Variants in BTC observed in about 807,000 individuals in gnomAD.
BTC encodes betacellulin.
Under a neutral mutation model 18.1 loss-of-function variants are expected in BTC, and 13 were observed. The observed-to-expected ratio is 0.72, with a 90% CI of 0.47 to 1.14. The LOEUF is 1.14. BTC is among the 50% of genes most tolerant of loss of function. BTC has a pLI of 0.00. For synonymous variants in BTC, 83 were observed against 79.4 expected (o/e 1.05, Z -0.24); for missense variants, 247 against 224.2 (o/e 1.10, Z -0.65).
At chr4:74,777,907 AG>A (rs1196740339) in intron 1 of BTC, among the ~76,000 whole-genome samples, 1 of 152,182 alleles carries the variant, frequency 6.6e-6, no homozygotes, top group African/African-American at 2.4e-5. Flanking sequence ...TAGGAGTAAA[AG>A]CAATAAGCAT....
chr4:74,757,822 A>C (rs1724641794), intron 2 of BTC, among the ~76,000 whole-genome samples: 1 of 152,224 alleles, frequency 6.6e-6, no homozygotes, highest in Non-Finnish European at 1.5e-5. Flanking sequence ...GAGTCTGGGC[A>C]AGCTGATTAG....
At chr4:74,787,107 CA>C (rs10719119) in intron 1 of BTC, among the ~76,000 whole-genome samples, 26,854 of 151,886 alleles carry the variant, frequency 0.18, 3,899 homozygotes, top group African/African-American at 0.41. Context: ...TGCAACTCTT[CA>C]AAAACTAAAT....
chr4:74,748,202 C>G, intron 4 of BTC, 53 bp from the exon 5 acceptor site: 1 of 1,054,452 alleles, frequency 9.5e-7, no homozygotes, highest in South Asian at 1.4e-5. Flanking sequence ...CATGCGAACA[C>G]AAAATTATCC....
chr4:74,748,290 T>C, intron 4 of BTC, 141 bp from the exon 5 acceptor site: 1 of 491,496 alleles, frequency 2.0e-6, no homozygotes, highest in Non-Finnish European at 3.5e-6. Flanking sequence ...GGCTCACGCC[T>C]GTAATCCCAG....
rs747778808 is a variant in BTC, at chr4:74,794,331, C to T, written c.-6G>A. 1.3e-6 allele frequency: 2 copies of T among 1,544,062 alleles called. No homozygotes were observed. The highest frequency in any genetic ancestry group is 2.4e-5 in the South Asian group (2 of 83,724). On this transcript the variant is annotated 5_prime_UTR_variant, in exon 1 of 6. Coordinates refer to ENST00000395743, the MANE Select transcript of BTC (RefSeq NM_001729.4). ...CACCGGGCGGCCCGGTCCATCAACC[C>T]CGCTCTGCCGGGCCGGGCAGCCCCT...
At chr4:74,788,567 T>C (rs959536184) in intron 1 of BTC, among the ~76,000 whole-genome samples, 30 of 152,230 alleles carry the variant, frequency 2.0e-4, no homozygotes, top group African/African-American at 7.0e-4. Flanking sequence ...TAATGTTTAA[T>C]ACAGTTTTAG....
At chr4:74,763,551 T>C (rs1391553451) in intron 2 of BTC, among the ~76,000 whole-genome samples, 2 of 152,082 alleles carry the variant, frequency 1.3e-5, no homozygotes, top group African/African-American at 4.8e-5. Flanking sequence ...TATTGTAAAA[T>C]AATTTACAAT....
At chr4:74,780,699 T>C (rs1266863919) in intron 1 of BTC, among the ~76,000 whole-genome samples, 2 of 152,154 alleles carry the variant, frequency 1.3e-5, no homozygotes, top group Non-Finnish European at 2.9e-5. Context: ...ATATGCAATG[T>C]CTTTAATGCA....
At chr4:74,780,682 A>G (rs567222370) in intron 1 of BTC, among the ~76,000 whole-genome samples, 1 of 152,322 alleles carries the variant, frequency 6.6e-6, no homozygotes, top group African/African-American at 2.4e-5. Flanking sequence ...AGATGGTAAA[A>G]TATGAAATAT....
chr4:74,758,850 T>C (rs1724673990), intron 2 of BTC, among the ~76,000 whole-genome samples: 1 of 152,136 alleles, frequency 6.6e-6, no homozygotes, highest in Non-Finnish European at 1.5e-5. Flanking sequence ...TTAAAACATT[T>C]CCATGCCACC....
chr4:74,748,135 C>A lies in BTC; in HGVS notation c.443G>T (p.Arg148Leu). The change falls in exon 5 of 6, where the codon CGT (arginine) becomes CTT (leucine). Residue 148 changes from arginine to leucine, a missense_variant. By Grantham distance (102) the Arg-to-Leu change is moderately radical. Coordinates refer to ENST00000395743, the MANE Select transcript of BTC (RefSeq NM_001729.4). ...VCTCCHPLRK[R>L]RKRKKKEEEM... The stretch of plus-strand genomic sequence containing the variant: ...TTCTTCTTTCTTCTTTCTTTTACGA[C>A]GTTTCCGAAGAGGGCTTGGAAAATA... 1.2e-6 allele frequency: 2 copies of A among 1,607,300 alleles called. No homozygotes were observed. Among genetic ancestry groups the A allele is most frequent in the South Asian group, 1.1e-5 (1 of 90,914 alleles).
chr4:74,785,532 C>T (rs1166380159), intron 1 of BTC, among the ~76,000 whole-genome samples: 1 of 152,118 alleles, frequency 6.6e-6, no homozygotes, highest in African/African-American at 2.4e-5. Context: ...AACTTGAGAT[C>T]TTTCTAGATT....
intron 2 of BTC, among the ~76,000 whole-genome samples, chr4:74,758,812 C>T (rs1049808423): frequency 3.9e-5 from 6 of 152,160 alleles, no homozygotes; most frequent in African/African-American, 1.4e-4. Context: ...TAAGCATGCT[C>T]TTAAATATTC....
chr4:74,755,829 T>C (rs782166768), intron 3 of BTC, 30 bp downstream of exon 3: 8 of 1,602,482 alleles, frequency 5.0e-6, no homozygotes, highest in African/African-American at 4.0e-5. Flanking sequence ...CTGCACCCTT[T>C]TGCTTGCTGG....
intron 2 of BTC, among the ~76,000 whole-genome samples, chr4:74,763,820 T>C (rs1421979639): frequency 6.6e-6 from 1 of 152,104 alleles, no homozygotes; most frequent in Admixed American, 6.6e-5. Context: ...AATAATTTAC[T>C]GCATGTTTTG....
intron 1 of BTC, among the ~76,000 whole-genome samples, chr4:74,790,186 A>G (rs1317607103): frequency 2.6e-5 from 4 of 152,226 alleles, no homozygotes; most frequent in Non-Finnish European, 5.9e-5. Flanking sequence ...ACATTCGGGA[A>G]GTATCCAGAA....
In BTC at chr4:74,752,379, C is replaced by CTT. The variant is rs5859439; in HGVS notation, c.282-1662_282-1661dup. On this transcript the variant is annotated intron_variant, in intron 3 of 5. Transcript: ENST00000395743. ...ACCAAAACTAGGGATGGGGGAATCA[C>CTT]TTTTTTTTTTTTTTTTTTGAGACGG... Among the ~76,000 whole-genome samples the CTT allele has an allele frequency of 6.5e-3, 861 of 133,228 alleles. 7 individuals are homozygous for CTT. The highest frequency in any genetic ancestry group is 8.5e-3 in the East Asian group (39 of 4,570). The allele number at this position is 133,228 out of a possible 152,430, so 87.4% of individuals were successfully genotyped here.
rs574611756 is a variant in BTC, at chr4:74,782,137, C to T, written c.65-11981G>A. 1.6e-3 allele frequency among the ~76,000 whole-genome samples: 241 copies of T among 151,952 alleles called. 1 individual carries two copies. Among genetic ancestry groups the T allele is most frequent in the Non-Finnish European group, 2.6e-3 (176 of 67,990 alleles). On this transcript the variant is annotated intron_variant, in intron 1 of 5. Coordinates refer to ENST00000395743, the MANE Select transcript of BTC (RefSeq NM_001729.4). The stretch of plus-strand genomic sequence containing the variant: ...TTTTTTCATTTTAAGTTCAGGGGTA[C>T]ATGTGCAGGATATGCAGGTTTGTTA...
At chr4:74,754,174 C>T (rs1206005467) in intron 3 of BTC, among the ~76,000 whole-genome samples, 1 of 152,184 alleles carries the variant, frequency 6.6e-6, no homozygotes, top group Non-Finnish European at 1.5e-5. Flanking sequence ...TATTATTCCT[C>T]TACTAAGAAG....
Sources: allele counts gnomAD v4.1 joint callset (sites outside exome capture counted in the v4.1 genomes callset), GRCh38; gene constraint gnomAD v4.1.1; transcripts MANE v1.5; gene names NCBI Gene and HGNC (gene_info 2026-07-23, HGNC 2026-07-21).